PHACTR4: variants seen among roughly 807,000 people sequenced by gnomAD.
PHACTR4 encodes phosphatase and actin regulator 4.
In PHACTR4, 51 loss-of-function variants were observed where a neutral mutation model predicts 72.7. The ratio of observed to expected loss-of-function variants is 0.70; its 90% confidence interval spans 0.56 to 0.89. The LOEUF (loss-of-function observed/expected upper bound fraction) is 0.89. PHACTR4 is among the 40% of genes least tolerant of loss of function. The probability of loss-of-function intolerance (pLI) is 0.00; values close to 1 mark genes in which losing one functional copy is unlikely to be tolerated. For synonymous variants in PHACTR4, 255 were observed against 302.5 expected (o/e 0.84, Z 1.63); for missense variants, 731 against 861.8 (o/e 0.85, Z 1.90).
intron 1 of PHACTR4, among the ~76,000 whole-genome samples, chr1:28,394,472 A>C (rs1183363736): frequency 6.6e-6 from 1 of 152,084 alleles, no homozygotes; most frequent in Non-Finnish European, 1.5e-5. Context: ...AATTGTTTTT[A>C]TGGAGATGGG....
chr1:28,417,888 C>T (rs889927949), intron 2 of PHACTR4, among the ~76,000 whole-genome samples: 7 of 144,652 alleles, frequency 4.8e-5, no homozygotes, highest in South Asian at 2.2e-4. Flanking sequence ...GAGGCCCATA[C>T]GGGAGGATTG....
chr1:28,404,006 A>T (rs1366897744), intron 1 of PHACTR4, among the ~76,000 whole-genome samples: 1 of 152,200 alleles, frequency 6.6e-6, no homozygotes, highest in African/African-American at 2.4e-5. Context: ...AGCTATTATG[A>T]ATAATGCTGC....
chr1:28,369,854 C>G, intron 1 of PHACTR4, 29 bp downstream of exon 1: 1 of 440,424 alleles, frequency 2.3e-6, no homozygotes, highest in Non-Finnish European at 4.5e-6. Flanking sequence ...GGAAAGTGAG[C>G]AGGACGCGCT....
chr1:28,479,422 A>G (rs75306336), intron 8 of PHACTR4, among the ~76,000 whole-genome samples: 2 of 148,634 alleles, frequency 1.3e-5, no homozygotes, highest in Admixed American at 6.7e-5. Context: ...TCTGTCGCAA[A>G]AAAAAAAAAA....
intron 2 of PHACTR4, among the ~76,000 whole-genome samples, chr1:28,439,108 A>G (rs1052009075): frequency 1.3e-5 from 2 of 152,180 alleles, no homozygotes; most frequent in African/African-American, 4.8e-5. Context: ...AGGGTTTTAT[A>G]TGACAATCAT....
chr1:28,370,078 C>G (rs569806897), intron 1 of PHACTR4, among the ~76,000 whole-genome samples: 18 of 152,268 alleles, frequency 1.2e-4, no homozygotes, highest in East Asian at 3.9e-4. Flanking sequence ...TCTCCGCCCC[C>G]CGAGACTTGG....
At chr1:28,458,537 G>A (rs1027515426) in intron 2 of PHACTR4, among the ~76,000 whole-genome samples, 5 of 152,028 alleles carry the variant, frequency 3.3e-5, no homozygotes, top group African/African-American at 1.2e-4. Flanking sequence ...TAATGTACCC[G>A]CTTTCTAATG....
At chr1:28,373,291 A>G (rs908935032) in intron 1 of PHACTR4, among the ~76,000 whole-genome samples, 5 of 130,994 alleles carry the variant, frequency 3.8e-5, no homozygotes, top group African/African-American at 1.7e-4. Flanking sequence ...TTTGTTTTAA[A>G]CATAATTTTT....
At chr1:28,483,506 AAG>A (rs1297279431) in intron 9 of PHACTR4, among the ~76,000 whole-genome samples, 1 of 152,080 alleles carries the variant, frequency 6.6e-6, no homozygotes, top group Non-Finnish European at 1.5e-5. Context: ...TTACAAAAAA[AAG>A]AGATAAATCA....
At chr1:28,408,347 G>C (rs1198183324) in intron 2 of PHACTR4, among the ~76,000 whole-genome samples, 1 of 152,088 alleles carries the variant, frequency 6.6e-6, no homozygotes, top group African/African-American at 2.4e-5. Flanking sequence ...ATCACTTGAG[G>C]TCAGGAGTTT....
chr1:28,454,961 G>C (rs1439807424), intron 2 of PHACTR4, among the ~76,000 whole-genome samples: 2 of 152,046 alleles, frequency 1.3e-5, no homozygotes, highest in African/African-American at 2.4e-5. Context: ...CCGCATTCAA[G>C]CCATTCTCCT....
At chr1:28,378,064 G>T (rs1184027540) in intron 1 of PHACTR4, among the ~76,000 whole-genome samples, 1 of 150,702 alleles carries the variant, frequency 6.6e-6, no homozygotes, top group Non-Finnish European at 1.5e-5. Flanking sequence ...GGGCATGGTG[G>T]TGGGTGCCTG....
intron 5 of PHACTR4, among the ~76,000 whole-genome samples, 164 bp downstream of exon 5, chr1:28,466,013 G>A (rs1173901739): frequency 2.6e-5 from 4 of 152,070 alleles, no homozygotes; most frequent in South Asian, 4.1e-4. Flanking sequence ...CCCCCACCCC[G>A]CTTTTATTCA....
intron 6 of PHACTR4, chr1:28,467,379 T>TTG (rs67853567): frequency 0.064 from 9,420 of 146,588 alleles, 351 homozygotes; most frequent in African/African-American, 0.099. Flanking sequence ...CTATACATAT[T>TTG]TGTGTGTGTG....
chr1:28,411,538 T>C (rs1654789929), intron 2 of PHACTR4, among the ~76,000 whole-genome samples: 1 of 152,194 alleles, frequency 6.6e-6, no homozygotes. Flanking sequence ...CATATACATA[T>C]GATAAGAATT....
At chr1:28,376,914 G>A (rs1651721992) in intron 1 of PHACTR4, among the ~76,000 whole-genome samples, 2 of 152,074 alleles carry the variant, frequency 1.3e-5, no homozygotes, top group Non-Finnish European at 2.9e-5. Context: ...GGGGATTACA[G>A]GCGTGAGCCA....
intron 2 of PHACTR4, among the ~76,000 whole-genome samples, chr1:28,435,820 C>T (rs1193114211): frequency 6.6e-6 from 1 of 152,168 alleles, no homozygotes; most frequent in African/African-American, 2.4e-5. Context: ...CTTTTGCATT[C>T]CCATTTTACA....
At chr1:28,394,679 C>T (rs1653347694) in intron 1 of PHACTR4, among the ~76,000 whole-genome samples, 1 of 151,854 alleles carries the variant, frequency 6.6e-6, no homozygotes, top group African/African-American at 2.4e-5. Flanking sequence ...TCACCACAAC[C>T]TCTGGCTCCC....
At chr1:28,432,915 T>TA (rs1491560175) in intron 2 of PHACTR4, 2 of 27,228 alleles carry the variant, frequency 7.3e-5, no homozygotes, top group African/African-American at 4.8e-4. Context: ...AATTTTTGTA[T>TA]TTTTTTTTTT....
Sources: allele counts gnomAD v4.1 joint callset (sites outside exome capture counted in the v4.1 genomes callset), GRCh38; gene constraint gnomAD v4.1.1; transcripts MANE v1.5; gene names NCBI Gene and HGNC (gene_info 2026-07-23, HGNC 2026-07-21).